Variants in LYST observed in about 807,000 individuals in gnomAD.
The protein encoded by LYST is lysosomal trafficking regulator.
LYST carries 192 observed loss-of-function variants against 413.6 expected under a neutral mutation model. The observed-to-expected ratio is 0.46, with a 90% confidence interval of 0.41 to 0.52. The LOEUF (loss-of-function observed/expected upper bound fraction) is 0.52. Among genes scored for constraint, LYST ranks in the 20% least tolerant of loss-of-function variants. The pLI, the probability that LYST is intolerant of heterozygous loss-of-function variation, is 0.00. For missense variants in LYST, 3,815 were observed against 4,499.9 expected, an observed-to-expected ratio of 0.85 and a Z score of 4.35; for synonymous variants, 1,525 against 1,567.3, an observed-to-expected ratio of 0.97 and a Z score of 0.64.
intron 1 of LYST, among the ~76,000 whole-genome samples, chr1:235,861,988 G>A (rs376515575): frequency 1.3e-5 from 2 of 152,178 alleles, no homozygotes; most frequent in Non-Finnish European, 2.9e-5. Flanking sequence ...TTTATAGGAG[G>A]TCACTGGTTT....
chr1:235,862,036 A>T (rs556704415), intron 1 of LYST, among the ~76,000 whole-genome samples: 27 of 152,182 alleles, frequency 1.8e-4, no homozygotes, highest in Non-Finnish European at 3.4e-4. Flanking sequence ...AACAGATCAA[A>T]TCAAAATGGA....
At chr1:235,738,569 T>C (rs1424047281) in intron 31 of LYST, 6 of 1,610,620 alleles carry the variant, frequency 3.7e-6, no homozygotes, top group Non-Finnish European at 5.1e-6. Context: ...GGTGAGTCCT[T>C]GGGGAACATG....
chr1:235,731,425 C>A (rs1055884219), intron 34 of LYST, among the ~76,000 whole-genome samples: 2 of 152,130 alleles, frequency 1.3e-5, no homozygotes, highest in Non-Finnish European at 2.9e-5. Context: ...CAGTTTCTTT[C>A]AACTATTAAA....
intron 3 of LYST, among the ~76,000 whole-genome samples, chr1:235,818,556 C>T (rs1016530491): frequency 2.0e-5 from 3 of 151,808 alleles, no homozygotes; most frequent in African/African-American, 4.8e-5. Flanking sequence ...TAAAGATGTA[C>T]AGATAACATT....
intron 31 of LYST, chr1:235,737,921 G>GAATTGTGTA: frequency 8.5e-6 from 10 of 1,176,872 alleles, no homozygotes; most frequent in Admixed American, 8.4e-5. Flanking sequence ...CGACGAGTCT[G>GAATTGTGTA]GATCTCACTG....
intron 29 of LYST, among the ~76,000 whole-genome samples, chr1:235,745,247 A>G (rs1665802022): frequency 6.6e-6 from 1 of 152,188 alleles, no homozygotes; most frequent in Non-Finnish European, 1.5e-5. Flanking sequence ...AACATGATTT[A>G]TAGTGCTTTG....
At chr1:235,696,713 T>C (rs554865330) in intron 46 of LYST, among the ~76,000 whole-genome samples, 6 of 152,312 alleles carry the variant, frequency 3.9e-5, no homozygotes, top group Admixed American at 3.9e-4. Context: ...GACATCCTTG[T>C]TGTGTTTGTT....
At chr1:235,735,460 G>C (rs1175179708) in intron 31 of LYST, 3 of 152,100 alleles carry the variant, frequency 2.0e-5, no homozygotes, top group Non-Finnish European at 2.9e-5. Context: ...TTAAGATAAT[G>C]ACAATTGGCC....
At chr1:235,730,706 AT>A (rs1199831950) in intron 36 of LYST, 140 bp downstream of exon 36, 8 of 673,918 alleles carry the variant, frequency 1.2e-5, no homozygotes, top group Admixed American at 5.1e-5. Context: ...TTTTGGCCAT[AT>A]AACCTTGTCC....
intron 50 of LYST, among the ~76,000 whole-genome samples, chr1:235,670,404 G>C (rs1478721133): frequency 6.6e-6 from 1 of 152,210 alleles, no homozygotes; most frequent in Non-Finnish European, 1.5e-5. Flanking sequence ...TTCTGTCTAA[G>C]TGCTGGCTTT....
At position 235,813,040 on chromosome 1, in the gene LYST, G is replaced by T; in HGVS notation, c.214C>A (p.Leu72Ile). 1 of 1,605,560 alleles carries T rather than the reference G, an allele frequency of 6.2e-7. No homozygotes were observed. Among genetic ancestry groups the T allele is most frequent in the South Asian group, 1.1e-5 (1 of 90,904 alleles). Residue 72 changes from leucine to isoleucine, a missense_variant, in exon 4 of 53, where the codon CTC becomes ATC. Transcript: ENST00000389793. ...IDQALTCREE[L>I]LTLLLSLLPL... Reference sequence around the variant, plus strand: ...AGGAGAGACAGAAGAAGAGTCAGGAGTTCTTCTCTACATGTCAATGCCTAT... The same window carrying T: ...AGGAGAGACAGAAGAAGAGTCAGGATTTCTTCTCTACATGTCAATGCCTAT...
At chr1:235,808,428 C>G (rs544898695) in intron 5 of LYST, 27 bp downstream of exon 5, 4 of 1,607,802 alleles carry the variant, frequency 2.5e-6, no homozygotes, top group Non-Finnish European at 3.4e-6. Context: ...AACCCCCGCC[C>G]CCGCCGCCAC....
chr1:235,705,074 A>G (rs568503645), intron 44 of LYST, among the ~76,000 whole-genome samples: 1 of 152,168 alleles, frequency 6.6e-6, no homozygotes, highest in South Asian at 2.1e-4. Context: ...TTCCTTCCTC[A>G]TTTATGAGGT....
rs1167914421 is a variant in LYST, at chr1:235,791,889, C to T, written c.4353G>A (p.Trp1451Ter). 1.2e-6 allele frequency: 2 copies of T among 1,614,134 alleles called. No homozygotes were observed. Among genetic ancestry groups the T allele is most frequent in the South Asian group, 1.1e-5 (1 of 91,082 alleles). Residue 1451 changes from tryptophan to a stop codon, truncating the protein, a stop_gained, in exon 12 of 53, where the codon TGG (tryptophan) becomes TGA (stop). Coordinates refer to ENST00000389793, the MANE Select transcript of LYST (RefSeq NM_000081.4). LOFTEE classifies it high-confidence loss of function. The stretch of plus-strand genomic sequence containing the variant: ...ACGGCAGGTGGACTGGGGCTATGTG[C>T]CAAGATGAAAGCAGCCGATGGGGAA... ...ESFPHRLLSS[W>*]HIAPVHLPLL...
chr1:235,762,572 C>G (rs1294180677), intron 22 of LYST, 148 bp downstream of exon 22: 7 of 732,414 alleles, frequency 9.6e-6, no homozygotes, highest in Non-Finnish European at 1.6e-5. Flanking sequence ...TCCATTTTCT[C>G]AATGCTCTTG....
intron 34 of LYST, among the ~76,000 whole-genome samples, 174 bp downstream of exon 34, chr1:235,733,329 A>T (rs1244103736): frequency 6.6e-6 from 1 of 151,876 alleles, no homozygotes; most frequent in Admixed American, 6.6e-5. Flanking sequence ...CTCAAGAATT[A>T]AAAAAAACTC....
rs1239990313 is a variant in LYST at position 235,703,115 on chromosome 1, T to G, written c.10144-138A>C. The G allele has an allele frequency of 4.4e-6, 3 of 686,140 alleles. No homozygotes were observed. The East Asian group carries it at 8.1e-5, about 18-fold the overall frequency. 42.5% of individuals were successfully genotyped at this position (686,140 alleles called of 1,614,324 possible). On this transcript the variant is annotated intron_variant, in intron 44 of 52. Transcript: ENST00000389793. ...TGCTTTTGTTCAGGTTAACAATCAC[T>G]CATGGTCTCACTGAGATCAGAAGTA...
intron 31 of LYST, chr1:235,738,160 T>C (rs1558170871): frequency 1.9e-6 from 3 of 1,609,552 alleles, no homozygotes; most frequent in East Asian, 2.2e-5. Context: ...GTTGATGTCA[T>C]GGAAGACAAA....
chr1:235,788,446 C>T (rs1032657787), intron 13 of LYST, among the ~76,000 whole-genome samples: 1 of 152,006 alleles, frequency 6.6e-6, no homozygotes, highest in Admixed American at 6.5e-5. Flanking sequence ...CCTTGGCCTC[C>T]CAAAGTGCTG....
Sources: allele counts gnomAD v4.1 joint callset (sites outside exome capture counted in the v4.1 genomes callset), GRCh38; gene constraint gnomAD v4.1.1; transcripts MANE v1.5; gene names NCBI Gene and HGNC (gene_info 2026-07-23, HGNC 2026-07-21).